RIC1: variants seen among roughly 807,000 people sequenced by gnomAD.
The protein encoded by RIC1 is guanine nucleotide exchange factor subunit RIC1.
In RIC1, 88 loss-of-function variants were observed where a neutral mutation model predicts 169.0. That is an observed-to-expected ratio of 0.52 (90% CI 0.44 to 0.62). The LOEUF (loss-of-function observed/expected upper bound fraction) is 0.62. Among genes scored for constraint, RIC1 ranks in the 20% least tolerant of loss-of-function variants. RIC1 has a pLI of 0.00. For missense variants in RIC1, 1,877 were observed against 1,725.5 expected (o/e 1.09, Z -1.56); for synonymous variants, 790 against 601.5 (o/e 1.31, Z -4.59).
In RIC1 at chr9:5,774,427, T is replaced by G. The variant is rs966780423; in HGVS notation, c.*181T>G. ...TCTTTTTGACTCCATAAAAATGTGA[T>G]ATAAAGCATCTTTCATAAAAAAATT... On this transcript the variant is annotated 3_prime_UTR_variant, in exon 26 of 26. Coordinates refer to ENST00000414202, the MANE Select transcript of RIC1 (RefSeq NM_020829.4). 1.2e-5 allele frequency: 6 copies of G among 500,354 alleles called. No homozygotes were observed. Among genetic ancestry groups the G allele is most frequent in the African/African-American group, 1.9e-5 (1 of 52,362 alleles). The allele number at this position is 500,354 out of a possible 1,614,324, so 31.0% of individuals were successfully genotyped here.
intron 4 of RIC1, among the ~76,000 whole-genome samples, chr9:5,717,703 G>C (rs1161157340): frequency 4.6e-5 from 7 of 151,832 alleles, no homozygotes; most frequent in African/African-American, 1.7e-4. Context: ...AAATTAGCTG[G>C]GCGTGGTGGC....
intron 16 of RIC1, among the ~76,000 whole-genome samples, chr9:5,756,632 A>G (rs1826033486): frequency 7.9e-6 from 1 of 126,146 alleles, no homozygotes; most frequent in Admixed American, 7.8e-5. Context: ...AAACCCTTAG[A>G]TACTAAATTT....
intron 2 of RIC1, among the ~76,000 whole-genome samples, chr9:5,673,970 A>T (rs535012207): frequency 6.6e-6 from 1 of 152,322 alleles, no homozygotes; most frequent in East Asian, 1.9e-4. Context: ...TGTATTTTAG[A>T]TAACCCTCTA....
chr9:5,659,606 T>C (rs1321909356), intron 2 of RIC1, among the ~76,000 whole-genome samples: 2 of 152,200 alleles, frequency 1.3e-5, no homozygotes, highest in Non-Finnish European at 1.5e-5. Flanking sequence ...TCTGTAGTTC[T>C]CTTTGGGAAG....
chr9:5,765,285 T>C (rs1377175700), intron 19 of RIC1, 129 bp from the exon 20 acceptor site: 1 of 936,010 alleles, frequency 1.1e-6, no homozygotes. Context: ...CTTTTTAATC[T>C]TATTATTAAA....
chr9:5,667,256 A>G (rs960020194), intron 2 of RIC1, among the ~76,000 whole-genome samples: 4 of 152,176 alleles, frequency 2.6e-5, no homozygotes, highest in East Asian at 1.9e-4. Context: ...CAGGAGTTCA[A>G]GGTTACCATG....
intron 1 of RIC1, among the ~76,000 whole-genome samples, chr9:5,639,449 G>C (rs1810431434): frequency 1.3e-5 from 2 of 152,158 alleles, no homozygotes; most frequent in African/African-American, 4.8e-5. Flanking sequence ...TCTATTATGA[G>C]AGAAGATGCT....
At position 5,775,816 on chromosome 9, in the gene RIC1, C is replaced by A. The variant is rs1184599656; in HGVS notation, c.*1570C>A. On this transcript the variant is annotated 3_prime_UTR_variant, in exon 26 of 26. Coordinates refer to ENST00000414202, the MANE Select transcript of RIC1 (RefSeq NM_020829.4). ...CAATAATATTTCACAAAATGAAACTCCCGAATGGGTGGAGTATGTGATTAT... is the reference window on the plus strand; with the variant it reads ...CAATAATATTTCACAAAATGAAACTACCGAATGGGTGGAGTATGTGATTAT... 1 of 152,158 alleles carries A rather than the reference C, an allele frequency of 6.6e-6. No homozygotes were observed. The allele number at this position is 152,158 out of a possible 1,614,324, so 9.4% of individuals were successfully genotyped here. A position where few individuals can be genotyped will look rare whatever the true frequency, so the allele number is the denominator to read the frequency against.
In RIC1 at chr9:5,629,232, T is replaced by G; in HGVS notation, c.-78T>G. On this transcript the variant is annotated 5_prime_UTR_variant, in exon 1 of 26. Transcript: ENST00000414202. ...CCGCCGCCGACTCGGCCGGTGGCGG[T>G]GTGGGAGGTGGGCGACCAGCCCGGG... The G allele has an allele frequency of 4.8e-6, 6 of 1,249,308 alleles. No individual in the cohort carries two copies. The highest frequency in any genetic ancestry group is 6.1e-6 in the Non-Finnish European group (6 of 984,926). The allele number at this position is 1,249,308 out of a possible 1,614,324, so 77.4% of individuals were successfully genotyped here. A position where few individuals can be genotyped will look rare whatever the true frequency, so the allele number is the denominator to read the frequency against.
chr9:5,676,513 T>C (rs1227221119), intron 2 of RIC1, among the ~76,000 whole-genome samples: 4 of 152,308 alleles, frequency 2.6e-5, no homozygotes, highest in Admixed American at 2.6e-4. Context: ...TTGAGCAAAC[T>C]AGGGTACAGA....
intron 2 of RIC1, among the ~76,000 whole-genome samples, chr9:5,683,893 A>G (rs1015343574): frequency 6.6e-6 from 1 of 151,986 alleles, no homozygotes; most frequent in African/African-American, 2.4e-5. Context: ...TTGATCTCAG[A>G]CTGCTGTGCT....
intron 1 of RIC1, among the ~76,000 whole-genome samples, chr9:5,638,564 G>C (rs1818085444): frequency 6.6e-6 from 1 of 152,118 alleles, no homozygotes; most frequent in Admixed American, 6.5e-5. Flanking sequence ...ATTCAATCTT[G>C]GTAGGTTGTA....
At chr9:5,679,747 C>A (rs1009598888) in intron 2 of RIC1, among the ~76,000 whole-genome samples, 2 of 152,152 alleles carry the variant, frequency 1.3e-5, no homozygotes, top group East Asian at 1.9e-4. Context: ...TGGGCTGATA[C>A]GATGGGGTTT....
At chr9:5,729,972 T>C (rs1824262438) in intron 6 of RIC1, among the ~76,000 whole-genome samples, 1 of 152,152 alleles carries the variant, frequency 6.6e-6, no homozygotes, top group Non-Finnish European at 1.5e-5. Flanking sequence ...ACTTTAGAGT[T>C]AGTACAAAAT....
At chr9:5,658,372 A>G (rs1242304445) in intron 2 of RIC1, among the ~76,000 whole-genome samples, 1 of 152,130 alleles carries the variant, frequency 6.6e-6, no homozygotes, top group African/African-American at 2.4e-5. Flanking sequence ...AGAACAGCTC[A>G]CCACAAAATT....
chr9:5,696,257 A>AT lies in RIC1; in HGVS notation c.332+6232dup, dbSNP rs202023008. On this transcript the variant is annotated intron_variant, in intron 3 of 25. Coordinates refer to ENST00000414202, the MANE Select transcript of RIC1 (RefSeq NM_020829.4). ...AAGTTTATCATTTGCATTGATAACA[A>AT]TTTTTTTTTTTTTCCAAAACGAAGT... Among the ~76,000 whole-genome samples, 304 of 146,212 alleles carry AT rather than the reference A, an allele frequency of 2.1e-3. 3 individuals are homozygous for AT. The highest frequency in any genetic ancestry group is 5.2e-3 in the African/African-American group (207 of 40,168).
rs528161607 is a variant in RIC1, at chr9:5,683,135, T to A, written c.253-6824T>A. On this transcript the variant is annotated intron_variant, in intron 2 of 25. Transcript: ENST00000414202. The stretch of plus-strand genomic sequence containing the variant: ...CAGAGTAATTTGATTTTCTGAAGCC[T>A]TCTTTCAACTCGTCAAAGTCATTTT... 1.1e-4 allele frequency among the ~76,000 whole-genome samples: 17 copies of A among 152,364 alleles called. No homozygotes were observed. The South Asian group carries it at 3.5e-3, about 32-fold the overall frequency.
intron 4 of RIC1, among the ~76,000 whole-genome samples, chr9:5,715,084 A>G (rs1288143275): frequency 6.6e-6 from 1 of 152,188 alleles, no homozygotes; most frequent in Non-Finnish European, 1.5e-5. Flanking sequence ...AAAAGAACAC[A>G]ATTATTATTT....
Position 5,763,865 on chromosome 9 carries a change from A to G in RIC1, c.2838A>G (p.Leu946=), listed in dbSNP as rs1228339569. 1.2e-6 allele frequency: 2 copies of G among 1,606,140 alleles called. No individual in the cohort carries two copies. Among genetic ancestry groups the G allele is most frequent in the Non-Finnish European group, 1.7e-6 (2 of 1,174,816 alleles). ...CAGCTGCCTCTTACCTTATTATCTT[A>G]CAGGTAACAATTCTCTTCTTATAAA... ...LDTAASYLII[L]QNMEVPAVSR... Residue 946 remains leucine, a synonymous_variant, in exon 19 of 26, where the codon TTA becomes TTG. Transcript: ENST00000414202. The surrounding 1 kb of genome is among the most constrained non-coding windows in gnomAD (Gnocchi z 5.2).
Sources: allele counts gnomAD v4.1 joint callset (sites outside exome capture counted in the v4.1 genomes callset), GRCh38; gene constraint gnomAD v4.1.1; non-coding constraint Gnocchi (gnomAD v3.1); transcripts MANE v1.5; gene names NCBI Gene and HGNC (gene_info 2026-07-23, HGNC 2026-07-21).